Variants in KRT6A observed in about 807,000 individuals in gnomAD.
The protein encoded by KRT6A is keratin 6A, also known as keratin, type II cytoskeletal 6A.
KRT6A carries 28 observed loss-of-function variants against 48.6 expected under a neutral mutation model. The observed-to-expected ratio is 0.58, with a 90% CI of 0.43 to 0.79. The LOEUF (loss-of-function observed/expected upper bound fraction) is 0.79, where lower values mean the gene tolerates loss of function less well. KRT6A is among the 30% of genes least tolerant of loss of function. The probability of loss-of-function intolerance (pLI) is 0.00; values close to 1 mark genes in which losing one functional copy is unlikely to be tolerated. For synonymous variants in KRT6A, 301 were observed against 294.2 expected (o/e 1.02, Z -0.24); for missense variants, 687 against 724.3 (o/e 0.95, Z 0.59).
intron 6 of KRT6A, among the ~76,000 whole-genome samples, chr12:52,489,303 G>C (rs1448438781): frequency 6.6e-6 from 1 of 150,970 alleles, no homozygotes; most frequent in African/African-American, 2.5e-5. Flanking sequence ...TTTTGAGACA[G>C]AGTTTTGCTC....
intron 6 of KRT6A, 31 bp from the exon 7 acceptor site, chr12:52,488,579 T>C: frequency 6.2e-7 from 1 of 1,612,984 alleles, no homozygotes; most frequent in Non-Finnish European, 8.5e-7. Flanking sequence ...AAGAAACTTG[T>C]CATCCGGTCT....
rs762731553 is a variant in KRT6A, at chr12:52,491,574, G to T, written c.703C>A (p.Leu235Met). The T allele has an allele frequency of 6.2e-7, 1 of 1,614,152 alleles. No individual in the cohort carries two copies. The highest frequency in any genetic ancestry group is 1.1e-5 in the South Asian group (1 of 91,074). The change falls in exon 2 of 9, where the codon CTG becomes ATG. Residue 235 changes from leucine to methionine, a missense_variant. Transcript: ENST00000330722. The stretch of plus-strand genomic sequence containing the variant: ...TGCATGCCTCTGAGCTCTGAGTCCA[G>T]GCGGCCCCGTTCCCCGACAATGCTG... ...LDSIVGERGR[L>M]DSELRGMQDL...
rs762168782 is a variant in KRT6A at position 52,492,818 on chromosome 12, C to T, written c.371G>A (p.Gly124Asp). The T allele has an allele frequency of 1.9e-6, 3 of 1,612,706 alleles. No individual in the cohort carries two copies. The highest frequency in any genetic ancestry group is 4.5e-5 in the East Asian group (2 of 44,858). The change falls in exon 1 of 9, where the codon GGC becomes GAC. Residue 124 changes from glycine (G) to aspartate (D), a missense_variant. Physicochemically the swap from Gly to Asp is moderately conservative, Grantham distance 94 (BLOSUM62 -1). Around this residue, in one of 3 missense-constraint regions of KRT6A, gnomAD observed 566 missense variants for 565.3 expected, o/e 1.00. Coordinates refer to ENST00000330722, the MANE Select transcript of KRT6A (RefSeq NM_005554.4). ...AGGGGGGCACACAGGGAAGCCAGGGCCCCCAAAGCCACCAGCAAGGCCGGC... is the reference window on the plus strand; with the variant it reads ...AGGGGGGCACACAGGGAAGCCAGGGTCCCCAAAGCCACCAGCAAGGCCGGC... ...GGAGLAGGFG[G>D]PGFPVCPPGG...
rs368061297 is a variant in KRT6A, at chr12:52,490,674, G to A, written c.972C>T (p.Asn324=). The change falls in exon 5 of 9, where the codon AAC becomes AAT. Residue 324 remains asparagine, a synonymous_variant. Transcript: ENST00000330722. The stretch of plus-strand genomic sequence containing the variant: ...TGCTGTCCAGGTCCAGGTTGCGGTT[G>A]TTGTCCATGGACAGCACCACAGATG... ...SDTSVVLSMD[N]NRNLDLDSII... 3 of 1,614,106 alleles carry A rather than the reference G, an allele frequency of 1.9e-6. No homozygotes were observed. Among genetic ancestry groups the A allele is most frequent in the African/African-American group, 2.7e-5 (2 of 74,934 alleles).
Position 52,488,684 on chromosome 12 carries a change from GT to G in KRT6A, c.1204-137del, listed in dbSNP as rs59471048. 13,497 of 1,021,034 alleles carry G rather than the reference GT, an allele frequency of 0.013. 683 individuals are homozygous for G. The African/African-American group carries it at 0.16, about 12-fold the overall frequency. The allele number at this position is 1,021,034 out of a possible 1,614,324, so 63.2% of individuals were successfully genotyped here. On this transcript the variant is annotated intron_variant, in intron 6 of 8. Transcript: ENST00000330722. Reference sequence around the variant, plus strand: ...TGAGCTCTGACTCTTCCTATCTATTGTTTTTTTTTTTATTTTGCAGTTTTTG... The same window carrying G: ...TGAGCTCTGACTCTTCCTATCTATTGTTTTTTTTTTATTTTGCAGTTTTTG...
rs774586645 is a variant in KRT6A, at chr12:52,491,132, C to A, written c.796G>T (p.Glu266Ter). The change falls in exon 3 of 9, where the codon GAA becomes TAA. Residue 266 changes from glutamate (E) to a stop codon, truncating the protein, a stop_gained. Coordinates refer to ENST00000330722, the MANE Select transcript of KRT6A (RefSeq NM_005554.4). LOFTEE classifies it high-confidence loss of function. Reference sequence around the variant, plus strand: ...CTCACCTTCTTCAGAGTCACAAATTCATTCTCTGCTGCTGTGCGCTTGTTG... The same window carrying A: ...CTCACCTTCTTCAGAGTCACAAATTAATTCTCTGCTGCTGTGCGCTTGTTG... Reference protein sequence around the residue: ...EINKRTAAENEFVTLKKDVDA... With the variant: ...EINKRTAAEN The A allele has an allele frequency of 1.2e-6, 2 of 1,614,004 alleles. No individual in the cohort carries two copies. The highest frequency in any genetic ancestry group is 3.3e-5 in the Admixed American group (2 of 60,014).
At chr12:52,488,043 G>A (rs948390602) in intron 8 of KRT6A, 26 bp downstream of exon 8, 28 of 1,614,124 alleles carry the variant, frequency 1.7e-5, no homozygotes, top group Non-Finnish European at 2.3e-5. Flanking sequence ...CGAGGGCAGG[G>A]GAGGAAGGCA....
At position 52,490,087 on chromosome 12, in the gene KRT6A, G is replaced by A. The variant is rs1938231973; in HGVS notation, c.1078-19C>T. On this transcript the variant is annotated intron_variant, in intron 5 of 8. Transcript: ENST00000330722. ...CCTCGTACTGCAGCCCAGAGGTGGAGAGAGAGACAGTGTCTACGGGTTCTT... is the reference window on the plus strand; with the variant it reads ...CCTCGTACTGCAGCCCAGAGGTGGAAAGAGAGACAGTGTCTACGGGTTCTT... 3.7e-6 allele frequency: 6 copies of A among 1,613,824 alleles called. No homozygotes were observed. The highest frequency in any genetic ancestry group is 5.1e-6 in the Non-Finnish European group (6 of 1,179,932).
Position 52,490,616 on chromosome 12 carries a change from T to C in KRT6A, c.1030A>G (p.Ile344Val). 10 of 1,614,140 alleles carry C rather than the reference T, an allele frequency of 6.2e-6. No individual in the cohort carries two copies. The highest frequency in any genetic ancestry group is 8.5e-6 in the Non-Finnish European group (10 of 1,180,032). ...IAEVKAQYEE[I>V]AQRSRAEAES... ...GCCTCAGCCCGGCTTCTCTGAGCAA[T>C]CTCCTCATATTGGGCCTTGACCTCA... The change falls in exon 5 of 9, where the codon ATT (isoleucine) becomes GTT (valine). Residue 344 changes from isoleucine (I) to valine (V), a missense_variant. By Grantham distance (29) the Ile-to-Val change is conservative. Transcript: ENST00000330722.
rs1938165394 is a variant in KRT6A, at chr12:52,487,556, A to C, written c.*164T>G. On this transcript the variant is annotated 3_prime_UTR_variant, in exon 9 of 9. Coordinates refer to ENST00000330722, the MANE Select transcript of KRT6A (RefSeq NM_005554.4). Reference sequence around the variant, plus strand: ...GGTGAGCAATGGGTGCTCAGATGGTATAGAGAGAGAGAGAAGAAGTGAGGG... The same window carrying C: ...GGTGAGCAATGGGTGCTCAGATGGTCTAGAGAGAGAGAGAAGAAGTGAGGG... 1.3e-6 allele frequency: 1 copy of C among 782,774 alleles called. No homozygotes were observed. The highest frequency in any genetic ancestry group is 2.1e-6 in the Non-Finnish European group (1 of 479,434). The allele number at this position is 782,774 out of a possible 1,614,324, so 48.5% of individuals were successfully genotyped here.
rs753301674 is a variant in KRT6A, at chr12:52,492,750, G to A, written c.439C>T (p.Pro147Ser). Reference sequence around the variant, plus strand: ...GTGGGATCGATTTGCAGGTTGAGGGGAGTCAGGAGACTCTGGTTGACGGTG... The same window carrying A: ...GTGGGATCGATTTGCAGGTTGAGGGAAGTCAGGAGACTCTGGTTGACGGTG... The part of the protein sequence containing the change: ...EVTVNQSLLT[P>S]LNLQIDPTIQ... The change falls in exon 1 of 9, where the codon CCC becomes TCC. Residue 147 changes from proline to serine, a missense_variant. Coordinates refer to ENST00000330722, the MANE Select transcript of KRT6A (RefSeq NM_005554.4). 36 of 1,613,788 alleles carry A rather than the reference G, an allele frequency of 2.2e-5. No homozygotes were observed. The highest frequency in any genetic ancestry group is 2.8e-5 in the Non-Finnish European group (33 of 1,179,948).
chr12:52,491,906 C>T (rs900843758), intron 1 of KRT6A, among the ~76,000 whole-genome samples, 170 bp from the exon 2 acceptor site: 2 of 152,190 alleles, frequency 1.3e-5, no homozygotes, highest in Admixed American at 6.5e-5. Flanking sequence ...CTTTGTACCC[C>T]ACCAATCTCA....
chr12:52,489,631 T>C (rs897770190), intron 6 of KRT6A, among the ~76,000 whole-genome samples: 8 of 152,206 alleles, frequency 5.3e-5, no homozygotes, highest in Non-Finnish European at 1.2e-4. Context: ...TGTATTAGTG[T>C]ATTTTATGTG....
At position 52,490,170 on chromosome 12, in the gene KRT6A, G is replaced by T. The variant is rs1938234343; in HGVS notation, c.1078-102C>A. On this transcript the variant is annotated intron_variant, in intron 5 of 8. Transcript: ENST00000330722. ...TGCATGTCATGAAGTGGACCTAAAG[G>T]CTTCTCCTCAAGAAACTTGAGGAAA... 1.1e-5 allele frequency: 18 copies of T among 1,608,214 alleles called. No homozygotes were observed. In the South Asian group the frequency reaches 1.5e-4, roughly 14 times the overall value.
rs374230378 is a variant in KRT6A at position 52,490,015 on chromosome 12, G to C, written c.1131C>G (p.Thr377=). The C allele has an allele frequency of 3.7e-6, 6 of 1,613,856 alleles. No individual in the cohort carries two copies. The highest frequency in any genetic ancestry group is 5.1e-6 in the Non-Finnish European group (6 of 1,180,010). The change falls in exon 6 of 9, where the codon ACC becomes ACG. Residue 377 remains threonine, a synonymous_variant. Transcript: ENST00000330722. ...GGTTGATCTCAGCAATCTCCTGCTTGGTGTTGCGCAGGTCGTCCCCATGTC... is the reference window on the plus strand; with the variant it reads ...GGTTGATCTCAGCAATCTCCTGCTTCGTGTTGCGCAGGTCGTCCCCATGTC... The part of the protein sequence containing the change: ...AGRHGDDLRN[T]KQEIAEINRM...
chr12:52,490,450 G>C, intron 5 of KRT6A, 119 bp downstream of exon 5: 1 of 1,485,668 alleles, frequency 6.7e-7, no homozygotes, highest in Non-Finnish European at 9.4e-7. Context: ...AGTGCAGAGT[G>C]CATGTCCTGT....
rs1157714217 is a variant in KRT6A at position 52,488,075 on chromosome 12, T to C, written c.1453A>G (p.Asn485Asp). 1.2e-6 allele frequency: 2 copies of C among 1,613,892 alleles called. No homozygotes were observed. The highest frequency in any genetic ancestry group is 2.7e-5 in the African/African-American group (2 of 74,906). ...GGCAAGCAAAGGTACTTACAGATGT[T>C]GACTTGTCCAACGCCTTCGCCATTC... is the stretch of plus-strand genomic sequence containing the variant. ...RLNGEGVGQV[N>D]ISVVQSTVSS... The change falls in exon 8 of 9, where the codon AAC (asparagine) becomes GAC (aspartate). Residue 485 changes from asparagine (N) to aspartate (D), a missense_variant. Physicochemically the swap from Asn to Asp is conservative, Grantham distance 23 (BLOSUM62 1). Transcript: ENST00000330722.
rs532803404 is a variant in KRT6A, at chr12:52,488,212, G to A, written c.1425-109C>T. 1.9e-6 allele frequency: 3 copies of A among 1,613,330 alleles called. No individual in the cohort carries two copies. The African/African-American group carries it at 4.0e-5, about 22-fold the overall frequency. ...GAGTCCATGGGAAACTGCTCTTTTAGTTTTCTCTCAGGAAGAGCAATTATG... is the reference window on the plus strand; with the variant it reads ...GAGTCCATGGGAAACTGCTCTTTTAATTTTCTCTCAGGAAGAGCAATTATG... On this transcript the variant is annotated intron_variant, in intron 7 of 8. Transcript: ENST00000330722.
intron 7 of KRT6A, 95 bp from the exon 8 acceptor site, chr12:52,488,198 A>T: frequency 6.2e-7 from 1 of 1,613,296 alleles, no homozygotes; most frequent in Non-Finnish European, 8.5e-7. Flanking sequence ...AGTCCATGGG[A>T]AACTGCTCTT....
Sources: gnomAD v4.1 joint callset for allele counts (sites outside exome capture counted in the v4.1 genomes callset) on GRCh38, gnomAD v4.1.1 for gene constraint, gnomAD v4.1.1 regional missense constraint, MANE v1.5 for transcripts, NCBI Gene and HGNC (gene_info 2026-07-23, HGNC 2026-07-21) for gene names.